Variants in CRTC1 observed in about 807,000 individuals in gnomAD.
CRTC1 encodes the protein CREB regulated transcription coactivator 1, also known as CREB-regulated transcription coactivator 1.
CRTC1 carries 18 observed loss-of-function variants against 66.1 expected under a neutral mutation model. The ratio of observed to expected loss-of-function variants is 0.27; its 90% CI spans 0.19 to 0.40. The LOEUF is 0.40. Ranked by LOEUF, CRTC1 falls within the 10% of genes least tolerant of loss-of-function variation. The pLI, the probability that CRTC1 is intolerant of heterozygous loss-of-function variation, is 1.00. For missense variants in CRTC1, 669 were observed against 887.9 expected, an observed-to-expected ratio of 0.75 and a Z score of 3.13; for synonymous variants, 416 against 398.8, an observed-to-expected ratio of 1.04 and a Z score of -0.51.
intron 1 of CRTC1, among the ~76,000 whole-genome samples, chr19:18,699,437 G>A (rs758686962): frequency 1.3e-5 from 2 of 152,166 alleles, no homozygotes; most frequent in Non-Finnish European, 2.9e-5. Context: ...ATGGCCCTGG[G>A]GCTGCATGAT....
At chr19:18,685,744 T>A (rs1600730919) in intron 1 of CRTC1, among the ~76,000 whole-genome samples, 1 of 151,864 alleles carries the variant, frequency 6.6e-6, no homozygotes, top group Non-Finnish European at 1.5e-5. Context: ...GAGGCAGGAG[T>A]GGCCACTTCT....
intron 3 of CRTC1, 56 bp downstream of exon 3, chr19:18,746,016 G>A (rs988032274): frequency 5.8e-6 from 9 of 1,552,540 alleles, no homozygotes; most frequent in Non-Finnish European, 7.9e-6. Flanking sequence ...GTGCCGGCAG[G>A]ACCCCAAGTT....
At chr19:18,706,182 CTTTTTTTTTTTTTTTTTTTTTT>C (rs58104974) in intron 1 of CRTC1, among the ~76,000 whole-genome samples, 252 of 18,708 alleles carry the variant, frequency 0.013, 2 homozygotes, top group East Asian at 0.035. Flanking sequence ...TTCCATTGGT[CTTTTTTTTTTTTTTTTTTTTTT>C]TTTTTTTTTT....
chr19:18,776,225 C>T (rs769327925), intron 13 of CRTC1, among the ~76,000 whole-genome samples: 9 of 152,212 alleles, frequency 5.9e-5, no homozygotes, highest in Non-Finnish European at 1.3e-4. Flanking sequence ...GTGAGCCCAG[C>T]CTGGGCAGCC....
chr19:18,772,891 C>T (rs1012255654), intron 11 of CRTC1, among the ~76,000 whole-genome samples: 1 of 152,122 alleles, frequency 6.6e-6, no homozygotes, highest in Non-Finnish European at 1.5e-5. Context: ...GCTGGAGAAG[C>T]GGCAGGTGAG....
At chr19:18,764,270 G>T (rs1451929303) in intron 8 of CRTC1, among the ~76,000 whole-genome samples, 1 of 152,214 alleles carries the variant, frequency 6.6e-6, no homozygotes, top group Non-Finnish European at 1.5e-5. Context: ...CTTCACCCCC[G>T]CCTTGACTGC....
At chr19:18,708,710 G>A (rs1032606669) in intron 1 of CRTC1, among the ~76,000 whole-genome samples, 7 of 152,204 alleles carry the variant, frequency 4.6e-5, no homozygotes, top group Admixed American at 6.5e-5. Context: ...CGTGGGGACC[G>A]AGGTCAGGGC....
At chr19:18,719,257 A>T (rs1318150102) in intron 1 of CRTC1, among the ~76,000 whole-genome samples, 3 of 152,168 alleles carry the variant, frequency 2.0e-5, no homozygotes, top group Non-Finnish European at 4.4e-5. Flanking sequence ...TGGGCACTCC[A>T]AATGTGGTGC....
At chr19:18,726,086 T>C (rs952847254) in intron 1 of CRTC1, among the ~76,000 whole-genome samples, 2 of 152,244 alleles carry the variant, frequency 1.3e-5, no homozygotes, top group Non-Finnish European at 2.9e-5. Context: ...AGCTCCTTGT[T>C]CTCCCAGCTG....
intron 1 of CRTC1, among the ~76,000 whole-genome samples, chr19:18,727,425 C>T (rs1173206034): frequency 6.6e-6 from 1 of 150,910 alleles, no homozygotes; most frequent in Non-Finnish European, 1.5e-5. Flanking sequence ...ACTAAAAATA[C>T]AAAAAATTAG....
At chr19:18,699,489 G>A (rs1461787253) in intron 1 of CRTC1, among the ~76,000 whole-genome samples, 4 of 152,204 alleles carry the variant, frequency 2.6e-5, no homozygotes, top group African/African-American at 9.6e-5. Context: ...AAGAAGCACT[G>A]GGGTGGCCCG....
Position 18,753,869 on chromosome 19 carries a change from G to GCAGGC in CRTC1, c.624+285_624+289dup, listed in dbSNP as rs559976802. On this transcript the variant is annotated intron_variant, in intron 6 of 13. Coordinates refer to ENST00000321949, the MANE Select transcript of CRTC1 (RefSeq NM_015321.3). ...AATCCCAGTACTTTGGGAGGCCGAG[G>GCAGGC]CAGGCGGATTGCCAGAGGTCAGGAG... is the stretch of plus-strand genomic sequence containing the variant. Among the ~76,000 whole-genome samples the GCAGGC allele has an allele frequency of 5.6e-3, 857 of 152,240 alleles. 6 individuals carry two copies. The highest frequency in any genetic ancestry group is 0.016 in the African/African-American group (669 of 41,540).
rs148801380 is a variant in CRTC1 at position 18,697,455 on chromosome 19, G to A, written c.126+13627G>A. ...CTCCTGAATAGCTGGGATTACAAGC[G>A]TGCACCGCCATACCTGGCTAATTTT... On this transcript the variant is annotated intron_variant, in intron 1 of 13. Coordinates refer to ENST00000321949, the MANE Select transcript of CRTC1 (RefSeq NM_015321.3). Among the ~76,000 whole-genome samples, 95 of 152,318 alleles carry A rather than the reference G, an allele frequency of 6.2e-4. 2 individuals carry two copies. The East Asian group carries it at 0.016, about 26-fold the overall frequency.
At chr19:18,720,654 C>T (rs946871527) in intron 1 of CRTC1, among the ~76,000 whole-genome samples, 1 of 151,932 alleles carries the variant, frequency 6.6e-6, no homozygotes, top group Non-Finnish European at 1.5e-5. Context: ...GCGTGAGCCA[C>T]CACGCCCGGC....
In CRTC1 at chr19:18,702,907, G is replaced by A. The variant is rs185765649; in HGVS notation, c.126+19079G>A. Among the ~76,000 whole-genome samples, 285 of 152,116 alleles carry A rather than the reference G, an allele frequency of 1.9e-3. 2 individuals are homozygous for A. The highest frequency in any genetic ancestry group is 6.7e-3 in the African/African-American group (277 of 41,498). ...GTTTCCCACATTGTGAACATCACAC[G>A]TGACCTGGTTGCGACGGCCGGGCTG... is the stretch of plus-strand genomic sequence containing the variant. On this transcript the variant is annotated intron_variant, in intron 1 of 13. Coordinates refer to ENST00000321949, the MANE Select transcript of CRTC1 (RefSeq NM_015321.3).
At chr19:18,736,641 A>G (rs558439893) in intron 1 of CRTC1, among the ~76,000 whole-genome samples, 1 of 152,048 alleles carries the variant, frequency 6.6e-6, no homozygotes, top group Admixed American at 6.5e-5. Flanking sequence ...TGGCTCCGGG[A>G]GGAAGCATGT....
chr19:18,708,964 G>T (rs1205601556), intron 1 of CRTC1, among the ~76,000 whole-genome samples: 1 of 152,182 alleles, frequency 6.6e-6, no homozygotes, highest in Non-Finnish European at 1.5e-5. Context: ...TCCTCCGTGG[G>T]GTGCTGTCTC....
At chr19:18,714,776 C>G (rs1401355833) in intron 1 of CRTC1, among the ~76,000 whole-genome samples, 1 of 152,216 alleles carries the variant, frequency 6.6e-6, no homozygotes, top group Non-Finnish European at 1.5e-5. Flanking sequence ...GTTGATGACC[C>G]CCGGGGAACC....
intron 1 of CRTC1, among the ~76,000 whole-genome samples, chr19:18,687,226 G>A (rs758863264): frequency 8.6e-5 from 13 of 152,044 alleles, no homozygotes; most frequent in Non-Finnish European, 1.8e-4. Context: ...TAGAGACCAT[G>A]TTGGCCAGAC....
Sources: gnomAD v4.1 joint callset for allele counts (sites outside exome capture counted in the v4.1 genomes callset) on GRCh38, gnomAD v4.1.1 for gene constraint, MANE v1.5 for transcripts, NCBI Gene and HGNC (gene_info 2026-07-23, HGNC 2026-07-21) for gene names.